The following SGMS2 variants were observed in gnomAD, a reference collection of about 807,000 sequenced individuals.
SGMS2 encodes the protein phosphatidylcholine:ceramide cholinephosphotransferase 2.
A neutral mutation model predicts 43.8 loss-of-function variants in SGMS2; 21 were observed. The ratio of observed to expected loss-of-function variants is 0.48; its 90% CI spans 0.34 to 0.69. SGMS2 has a LOEUF of 0.69. Ranked by LOEUF, SGMS2 falls within the 30% of genes least tolerant of loss-of-function variation. The probability of loss-of-function intolerance (pLI) is 0.01; values close to 1 mark genes in which losing one functional copy is unlikely to be tolerated. For missense variants in SGMS2, 384 were observed against 443.2 expected (o/e 0.87, Z 1.20); for synonymous variants, 167 against 160.6 (o/e 1.04, Z -0.30).
At chr4:107,865,129 G>A (rs1484455942) in intron 2 of SGMS2, among the ~76,000 whole-genome samples, 1 of 152,164 alleles carries the variant, frequency 6.6e-6, no homozygotes, top group Non-Finnish European at 1.5e-5. Flanking sequence ...GTTTATATTT[G>A]TTTGTTCCAA....
intron 1 of SGMS2, among the ~76,000 whole-genome samples, chr4:107,845,558 T>C (rs1726760606): frequency 1.3e-5 from 2 of 152,038 alleles, no homozygotes; most frequent in South Asian, 2.1e-4. Context: ...TGAGAAAAGG[T>C]TTTAAACAAG....
intron 1 of SGMS2, among the ~76,000 whole-genome samples, chr4:107,828,698 T>C (rs1177143348): frequency 1.3e-5 from 2 of 152,242 alleles, no homozygotes; most frequent in African/African-American, 2.4e-5. Flanking sequence ...TGAAACATAA[T>C]GTTTAATTTA....
At chr4:107,861,159 A>G (rs1263608678) in intron 2 of SGMS2, among the ~76,000 whole-genome samples, 1 of 152,220 alleles carries the variant, frequency 6.6e-6, no homozygotes, top group Non-Finnish European at 1.5e-5. Flanking sequence ...CTCTCAGGGT[A>G]TACAAATGCA....
At chr4:107,837,867 A>T (rs905260804) in intron 1 of SGMS2, among the ~76,000 whole-genome samples, 2 of 152,120 alleles carry the variant, frequency 1.3e-5, no homozygotes. Context: ...AAAATTAAGC[A>T]TGACTCCTAG....
At position 107,911,434 on chromosome 4, in the gene SGMS2, C is replaced by G. The variant is rs1732115029; in HGVS notation, c.*881C>G. On this transcript the variant is annotated 3_prime_UTR_variant, in exon 7 of 7. Transcript: ENST00000690982. ...ACGTGTGTGTCAACTGAGGTTCACA[C>G]CACTTGGGGAATGAGCCTGTTTTCT... The G allele has an allele frequency of 6.6e-6, 1 of 152,206 alleles. No homozygotes were observed. Among genetic ancestry groups the G allele is most frequent in the African/African-American group, 2.4e-5 (1 of 41,458 alleles). 9.4% of individuals were successfully genotyped at this position (152,206 alleles called of 1,614,324 possible).
intron 1 of SGMS2, among the ~76,000 whole-genome samples, chr4:107,838,184 GC>G (rs1052721821): frequency 9.2e-5 from 14 of 152,276 alleles, no homozygotes; most frequent in Admixed American, 8.5e-4. Context: ...TGTCCCAGAT[GC>G]TACAGGAACC....
chr4:107,874,977 G>C (rs1163501243), intron 2 of SGMS2, among the ~76,000 whole-genome samples: 2 of 152,126 alleles, frequency 1.3e-5, no homozygotes, highest in Non-Finnish European at 2.9e-5. Flanking sequence ...TGGAAGCACT[G>C]GTCAAATAAG....
At position 107,910,520 on chromosome 4, in the gene SGMS2, G is replaced by A; in HGVS notation, c.1065G>A (p.Gln355=). 3.7e-6 allele frequency: 6 copies of A among 1,614,006 alleles called. No individual in the cohort carries two copies. Among genetic ancestry groups the A allele is most frequent in the South Asian group, 1.1e-5 (1 of 91,084 alleles). The part of the protein sequence containing the change: ...KSSCKKYSRV[Q]KIGEDNEKST ...CATGCAAAAAGTATTCACGGGTTCA[G>A]AAGATTGGTGAAGACAATGAGAAAT... Residue 355 remains glutamine, a synonymous_variant, in exon 7 of 7, where the codon CAG becomes CAA. Transcript: ENST00000690982.
intron 1 of SGMS2, among the ~76,000 whole-genome samples, chr4:107,830,834 G>A (rs550764828): frequency 2.0e-5 from 3 of 152,258 alleles, no homozygotes; most frequent in Non-Finnish European, 2.9e-5. Flanking sequence ...AAGACTTGCA[G>A]CATTAGTTGA....
chr4:107,845,783 A>G (rs1355343581), intron 1 of SGMS2, among the ~76,000 whole-genome samples: 4 of 152,182 alleles, frequency 2.6e-5, no homozygotes, highest in South Asian at 2.1e-4. Flanking sequence ...AAGCTTCCCT[A>G]CATGTGCTTG....
chr4:107,897,727 C>T (rs541647904), intron 3 of SGMS2, among the ~76,000 whole-genome samples: 1 of 152,286 alleles, frequency 6.6e-6, no homozygotes, highest in South Asian at 2.1e-4. Flanking sequence ...CTGTTTCAGT[C>T]GCAATTCACA....
intron 1 of SGMS2, among the ~76,000 whole-genome samples, chr4:107,846,329 T>C (rs756142899): frequency 2.1e-5 from 3 of 144,192 alleles, no homozygotes; most frequent in Non-Finnish European, 4.5e-5. Context: ...GTTCTCATTG[T>C]TCAATTCCCA....
intron 2 of SGMS2, among the ~76,000 whole-genome samples, chr4:107,881,809 C>T (rs1729378026): frequency 6.6e-6 from 1 of 152,122 alleles, no homozygotes; most frequent in African/African-American, 2.4e-5. Context: ...CTATCTCTAT[C>T]ACCATAAGTT....
chr4:107,854,909 A>G (rs113650536), intron 1 of SGMS2, among the ~76,000 whole-genome samples: 1,653 of 152,232 alleles, frequency 0.011, 36 homozygotes, highest in African/African-American at 0.038. Context: ...TAAGTGTCAA[A>G]TGCTTTCTTT....
intron 2 of SGMS2, among the ~76,000 whole-genome samples, chr4:107,858,831 A>G (rs900395507): frequency 6.6e-6 from 1 of 152,234 alleles, no homozygotes; most frequent in Non-Finnish European, 1.5e-5. Flanking sequence ...CCAGAGAAAT[A>G]GAGGTAACCC....
At chr4:107,827,793 C>T (rs1725675816) in intron 1 of SGMS2, among the ~76,000 whole-genome samples, 2 of 152,058 alleles carry the variant, frequency 1.3e-5, no homozygotes, top group Non-Finnish European at 2.9e-5. Flanking sequence ...CAAGAGCAGC[C>T]TGGCCAATAT....
chr4:107,862,342 C>T (rs1274531055), intron 2 of SGMS2, among the ~76,000 whole-genome samples: 5 of 152,078 alleles, frequency 3.3e-5, no homozygotes, highest in Admixed American at 1.3e-4. Context: ...GTATTTATGA[C>T]GGTATTGGAG....
intron 2 of SGMS2, among the ~76,000 whole-genome samples, chr4:107,888,500 A>G (rs1578619167): frequency 6.6e-6 from 1 of 152,236 alleles, no homozygotes; most frequent in South Asian, 2.1e-4. Context: ...CCTCTTTCTT[A>G]AACAACCAGT....
intron 2 of SGMS2, chr4:107,894,397 C>G (rs1228206033): frequency 6.6e-6 from 1 of 152,296 alleles, no homozygotes; most frequent in Non-Finnish European, 1.5e-5. Flanking sequence ...GCAGTGGTGC[C>G]CCGTGTCCGA....
Sources: gnomAD v4.1 joint callset for allele counts (sites outside exome capture counted in the v4.1 genomes callset) on GRCh38, gnomAD v4.1.1 for gene constraint, MANE v1.5 for transcripts, NCBI Gene and HGNC (gene_info 2026-07-23, HGNC 2026-07-21) for gene names.